The following FGF14 variants were observed in gnomAD, a reference collection of about 807,000 sequenced individuals.
FGF14 encodes fibroblast growth factor 14.
A neutral mutation model predicts 25.5 loss-of-function variants in FGF14; 5 were observed. The ratio of observed to expected loss-of-function variants is 0.20; its 90% CI spans 0.10 to 0.41. FGF14 has a LOEUF of 0.41. Ranked by LOEUF, FGF14 falls within the 10% of genes least tolerant of loss-of-function variation. The pLI is 1.00. For synonymous variants in FGF14, 138 were observed against 118.3 expected (o/e 1.17, Z -1.08); for missense variants, 222 against 320.1 (o/e 0.69, Z 2.34).
intron 1 of FGF14, among the ~76,000 whole-genome samples, chr13:102,111,526 G>A (rs1438047482): frequency 1.3e-5 from 2 of 152,038 alleles, no homozygotes; most frequent in African/African-American, 4.8e-5. Context: ...AACAGCCAGA[G>A]CAACATGGCA....
At chr13:101,999,531 A>C (rs2039367559) in intron 1 of FGF14, among the ~76,000 whole-genome samples, 1 of 152,176 alleles carries the variant, frequency 6.6e-6, no homozygotes, top group African/African-American at 2.4e-5. Context: ...AGAAGAATCC[A>C]TGAGTGGGTG....
At chr13:102,321,854 C>T (rs1356217090) in intron 1 of FGF14, among the ~76,000 whole-genome samples, 1 of 152,116 alleles carries the variant, frequency 6.6e-6, no homozygotes, top group East Asian at 1.9e-4. Context: ...ATTTAGCACC[C>T]CCTGCCAATG....
At chr13:102,194,986 G>A (rs920455267) in intron 1 of FGF14, among the ~76,000 whole-genome samples, 1 of 151,886 alleles carries the variant, frequency 6.6e-6, no homozygotes, top group Admixed American at 6.6e-5. Context: ...GAAAAATACT[G>A]TCAAATAAGA....
Position 102,004,665 on chromosome 13 carries a change from T to C in FGF14, c.209-129369A>G, listed in dbSNP as rs145041004. ...AGTTGCCTTTGGAGAAACAGGCTGA[T>C]ATGGTTTGGCTGTGTCCCCACCCAA... On this transcript the variant is annotated intron_variant, in intron 1 of 4. Transcript: ENST00000376131. Among the ~76,000 whole-genome samples the C allele has an allele frequency of 3.9e-5, 6 of 152,320 alleles. No homozygotes were observed. The East Asian group carries it at 1.2e-3, about 29-fold the overall frequency.
At chr13:101,838,695 T>C (rs1009056320) in intron 3 of FGF14, among the ~76,000 whole-genome samples, 4 of 152,134 alleles carry the variant, frequency 2.6e-5, no homozygotes, top group African/African-American at 9.6e-5. Context: ...AAATAAACAT[T>C]GCTGTAATAT....
intron 1 of FGF14, among the ~76,000 whole-genome samples, chr13:101,992,246 G>T (rs1393458458): frequency 1.3e-5 from 2 of 152,076 alleles, no homozygotes; most frequent in East Asian, 3.9e-4. Flanking sequence ...AGCAATTGGG[G>T]GGTGGGGGAC....
At chr13:101,908,203 A>C (rs759603385) in intron 1 of FGF14, among the ~76,000 whole-genome samples, 1 of 152,176 alleles carries the variant, frequency 6.6e-6, no homozygotes, top group Non-Finnish European at 1.5e-5. Flanking sequence ...AAGTAGGACC[A>C]ATGTGTCTGC....
At chr13:101,846,038 T>C (rs2043440989) in intron 3 of FGF14, among the ~76,000 whole-genome samples, 1 of 152,008 alleles carries the variant, frequency 6.6e-6, no homozygotes, top group Non-Finnish European at 1.5e-5. Context: ...TCATAGAAAT[T>C]GAGTCTAACG....
intron 1 of FGF14, among the ~76,000 whole-genome samples, chr13:102,177,356 A>G (rs2140723642): frequency 6.6e-6 from 1 of 152,280 alleles, no homozygotes; most frequent in South Asian, 2.1e-4. Context: ...AAAGACAGTG[A>G]CTTCAGATGT....
At chr13:101,859,658 T>C (rs2044306875) in intron 3 of FGF14, among the ~76,000 whole-genome samples, 1 of 152,122 alleles carries the variant, frequency 6.6e-6, no homozygotes, top group Non-Finnish European at 1.5e-5. Context: ...GTGTTTGATA[T>C]TTGTTAAGTA....
At position 101,914,833 on chromosome 13, in the gene FGF14, G is replaced by A. The variant is rs567412219; in HGVS notation, c.193+1620C>T. Among the ~76,000 whole-genome samples, 11 of 152,040 alleles carry A rather than the reference G, an allele frequency of 7.2e-5. No individual in the cohort carries two copies. In the South Asian group the frequency reaches 2.3e-3, roughly 32 times the overall value. On this transcript the variant is annotated intron_variant, in intron 1 of 4. Coordinates refer to ENST00000376143, the MANE Select transcript of FGF14 (RefSeq NM_004115.4). ...GTAGACAGCCAATTTGGAGCTGTATGTGGTGAAAACTGTATTCTAAAAGAT... is the reference window on the plus strand; with the variant it reads ...GTAGACAGCCAATTTGGAGCTGTATATGGTGAAAACTGTATTCTAAAAGAT...
intron 1 of FGF14, among the ~76,000 whole-genome samples, chr13:102,161,582 A>AGAG: frequency 2.3e-3 from 7 of 3,070 alleles, no homozygotes; most frequent in Non-Finnish European, 1.9e-3. Context: ...AGAAAGAAGA[A>AGAG]GAAGAAGAAG....
intron 1 of FGF14, among the ~76,000 whole-genome samples, chr13:102,164,269 A>G (rs1301704751): frequency 6.6e-6 from 1 of 152,210 alleles, no homozygotes; most frequent in Admixed American, 6.5e-5. Context: ...TCTCCAAAGC[A>G]GTGTGCATTT....
At chr13:102,376,533 C>T (rs1057486955) in intron 1 of FGF14, among the ~76,000 whole-genome samples, 1 of 152,186 alleles carries the variant, frequency 6.6e-6, no homozygotes, top group African/African-American at 2.4e-5. Flanking sequence ...ATGATGTCAT[C>T]ATGGCTTTTA....
rs1483635369 is a variant in FGF14, at chr13:101,722,329, AAGGTCAC to A, written c.*495_*501del. ...ATTTAGAGGAACAAAATCCCTGCAA[AAGGTCAC>A]AGACAGTGGAGCGAGCAGCCCTGTA... On this transcript the variant is annotated 3_prime_UTR_variant, in exon 5 of 5. Coordinates refer to ENST00000376143, the MANE Select transcript of FGF14 (RefSeq NM_004115.4). 1 of 175,510 alleles carries A rather than the reference AAGGTCAC, an allele frequency of 5.7e-6. No homozygotes were observed. The highest frequency in any genetic ancestry group is 1.5e-4 in the East Asian group (1 of 6,510). 10.9% of individuals were successfully genotyped at this position (175,510 alleles called of 1,614,324 possible). A position where few individuals can be genotyped will look rare whatever the true frequency, so the allele number is the denominator to read the frequency against.
intron 3 of FGF14, among the ~76,000 whole-genome samples, chr13:101,828,867 G>A (rs1252573244): frequency 2.0e-5 from 3 of 152,056 alleles, no homozygotes; most frequent in Non-Finnish European, 4.4e-5. Flanking sequence ...AAGGCAAAGA[G>A]AACTAGTTCC....
At chr13:101,801,223 A>G (rs1256953373) in intron 3 of FGF14, among the ~76,000 whole-genome samples, 1 of 152,200 alleles carries the variant, frequency 6.6e-6, no homozygotes, top group African/African-American at 2.4e-5. Flanking sequence ...CTACAAGGAA[A>G]GCTATGAGGA....
chr13:102,377,471 A>C (rs1007968709), intron 1 of FGF14, among the ~76,000 whole-genome samples: 13 of 152,226 alleles, frequency 8.5e-5, no homozygotes, highest in African/African-American at 3.1e-4. Context: ...ACACATGACT[A>C]ATATTAGAGT....
At chr13:101,864,375 T>C (rs2044581963) in intron 3 of FGF14, among the ~76,000 whole-genome samples, 2 of 152,158 alleles carry the variant, frequency 1.3e-5, no homozygotes, top group South Asian at 4.1e-4. Context: ...TCTAACGTTA[T>C]CACCGTCTCC....
Sources: gnomAD v4.1 joint callset for allele counts (sites outside exome capture counted in the v4.1 genomes callset) on GRCh38, gnomAD v4.1.1 for gene constraint, MANE v1.5 for transcripts, NCBI Gene and HGNC (gene_info 2026-07-23, HGNC 2026-07-21) for gene names.